XKR9: variants seen among roughly 807,000 people sequenced by gnomAD.
The protein encoded by XKR9 is XK related 9.
Under a neutral mutation model 32.0 loss-of-function variants are expected in XKR9, and 32 were observed. The ratio of observed to expected loss-of-function variants is 1.00; its 90% CI spans 0.76 to 1.34. The LOEUF is 1.34. XKR9 is among the 40% of genes most tolerant of loss of function. The pLI, the probability that XKR9 is intolerant of heterozygous loss-of-function variation, is 0.00. For missense variants in XKR9, 546 were observed against 429.7 expected, an observed-to-expected ratio of 1.27 and a Z score of -2.39; for synonymous variants, 168 against 143.4, an observed-to-expected ratio of 1.17 and a Z score of -1.22.
chr8:70,923,798 G>A, the XKR9 span, among the ~76,000 whole-genome samples: 657 of 152,234 alleles, frequency 4.3e-3, 4 homozygotes, highest in South Asian at 0.016. Context: ...AGGCTCTTAT[G>A]TCTGTATTTC....
At chr8:70,903,597 T>C in the XKR9 span, among the ~76,000 whole-genome samples, 1 of 152,206 alleles carries the variant, frequency 6.6e-6, no homozygotes, top group Non-Finnish European at 1.5e-5. Context: ...AGCTCCTGGA[T>C]TCATTGATTT....
intron 1 of XKR9, among the ~76,000 whole-genome samples, chr8:70,673,202 G>T (rs998168847): frequency 6.6e-6 from 1 of 152,054 alleles, no homozygotes; most frequent in Non-Finnish European, 1.5e-5. Context: ...AAGGTCTTAC[G>T]TTTAATCCTT....
At chr8:70,995,823 G>T in the XKR9 span, among the ~76,000 whole-genome samples, 1 of 151,958 alleles carries the variant, frequency 6.6e-6, no homozygotes, top group East Asian at 1.9e-4. Flanking sequence ...TCTTTCTGTC[G>T]GAAATTCTTT....
the XKR9 span, among the ~76,000 whole-genome samples, chr8:70,910,802 T>A: frequency 1.3e-5 from 2 of 152,346 alleles, no homozygotes; most frequent in South Asian, 4.1e-4. Context: ...GAAGAACTGG[T>A]CTTCAGGCTC....
chr8:70,927,836 T>C, the XKR9 span, among the ~76,000 whole-genome samples: 1 of 152,200 alleles, frequency 6.6e-6, no homozygotes, highest in Non-Finnish European at 1.5e-5. Context: ...TGATTGCCTA[T>C]GATGATGTTT....
chr8:70,779,821 G>A (rs1807590285), intron 2 of XKR9, among the ~76,000 whole-genome samples: 1 of 151,998 alleles, frequency 6.6e-6, no homozygotes, highest in Non-Finnish European at 1.5e-5. Context: ...CACTTTTATT[G>A]TGTCTATTTG....
the XKR9 span, among the ~76,000 whole-genome samples, chr8:70,847,759 A>G: frequency 6.6e-6 from 1 of 152,072 alleles, no homozygotes; most frequent in Admixed American, 6.6e-5. Flanking sequence ...CAACCTACCA[A>G]GATCAAACCA....
the XKR9 span, among the ~76,000 whole-genome samples, chr8:70,880,405 G>C: frequency 1.3e-5 from 2 of 152,180 alleles, no homozygotes; most frequent in Non-Finnish European, 2.9e-5. Context: ...TCCTTAACCT[G>C]ATAAGCAACT....
At chr8:70,863,169 G>C in the XKR9 span, among the ~76,000 whole-genome samples, 1 of 152,170 alleles carries the variant, frequency 6.6e-6, no homozygotes, top group Non-Finnish European at 1.5e-5. Context: ...CAGATGTTGA[G>C]AGAATCTCAG....
chr8:70,915,284 C>A, the XKR9 span, among the ~76,000 whole-genome samples: 4 of 151,792 alleles, frequency 2.6e-5, no homozygotes, highest in African/African-American at 7.3e-5. Flanking sequence ...GACTCCAGGG[C>A]CATAATTTCT....
intron 2 of XKR9, among the ~76,000 whole-genome samples, chr8:70,748,642 A>G (rs1807092138): frequency 6.6e-6 from 1 of 152,214 alleles, no homozygotes; most frequent in Non-Finnish European, 1.5e-5. Flanking sequence ...TGTTGATGGT[A>G]GCAGGAGGCA....
At chr8:70,844,373 C>T in the XKR9 span, among the ~76,000 whole-genome samples, 1 of 152,194 alleles carries the variant, frequency 6.6e-6, no homozygotes, top group Admixed American at 6.5e-5. Flanking sequence ...AAGGCCAAAG[C>T]ACCCTCCCTA....
chr8:70,907,877 C>T, the XKR9 span, among the ~76,000 whole-genome samples: 1 of 152,126 alleles, frequency 6.6e-6, no homozygotes, highest in African/African-American at 2.4e-5. Flanking sequence ...TTTAAATGCT[C>T]AAAATAGAAA....
chr8:70,729,665 A>C lies in XKR9; in HGVS notation c.494-4131A>C, dbSNP rs565353807. ...AGCCATAGTTAAAGACACAATTGAC[A>C]AGAAAATCTGTTACCTCTGTGGTAC... On this transcript the variant is annotated intron_variant, in intron 4 of 4. Coordinates refer to ENST00000408926, the MANE Select transcript of XKR9 (RefSeq NM_001011720.2). Among the ~76,000 whole-genome samples the C allele has an allele frequency of 2.0e-5, 3 of 152,306 alleles. No individual in the cohort carries two copies. In the South Asian group the frequency reaches 6.2e-4, roughly 32 times the overall value.
chr8:70,841,852 C>T, the XKR9 span, among the ~76,000 whole-genome samples: 1 of 152,144 alleles, frequency 6.6e-6, no homozygotes, highest in Non-Finnish European at 1.5e-5. Context: ...CATATTGTCT[C>T]CCAGGATCCT....
rs1806794707 is a variant in XKR9, at chr8:70,734,354, C to CA, written c.1056dup (p.Cys353MetfsTer2). The CA allele has an allele frequency of 6.2e-7, 1 of 1,610,426 alleles. No homozygotes were observed. Among genetic ancestry groups the CA allele is most frequent in the Admixed American group, 1.7e-5 (1 of 59,664 alleles). ...TTTCACCCAAACAGAAGTGCAGAAA[C>CA]AAAATGTGATGAAATTGATGGAAAA... On this transcript the variant is annotated frameshift_variant, in exon 5 of 5. Transcript: ENST00000408926. LOFTEE classifies it high-confidence loss of function.
downstream of XKR9, among the ~76,000 whole-genome samples, chr8:70,795,287 A>G (rs1300999526): frequency 1.3e-5 from 2 of 152,024 alleles, no homozygotes; most frequent in Admixed American, 6.6e-5. Context: ...AGCTTCTTCC[A>G]TGTTCCTGCA....
At chr8:70,741,659 A>G (rs1023208402) in intron 2 of XKR9, among the ~76,000 whole-genome samples, 10 of 152,146 alleles carry the variant, frequency 6.6e-5, no homozygotes, top group African/African-American at 2.4e-4. Flanking sequence ...GGATTGATGA[A>G]TGGATATTTG....
the XKR9 span, among the ~76,000 whole-genome samples, chr8:70,987,428 A>G: frequency 6.6e-6 from 1 of 152,222 alleles, no homozygotes; most frequent in Non-Finnish European, 1.5e-5. Context: ...GCCAAAACAA[A>G]GGGGCTATAG....
Sources: gnomAD v4.1 joint callset for allele counts (sites outside exome capture counted in the v4.1 genomes callset) on GRCh38, gnomAD v4.1.1 for gene constraint, MANE v1.5 for transcripts, NCBI Gene and HGNC (gene_info 2026-07-23, HGNC 2026-07-21) for gene names.